The following ALCAM variants were observed in gnomAD, a reference collection of about 807,000 sequenced individuals.
ALCAM encodes the protein activated leukocyte cell adhesion molecule.
In ALCAM, 30 loss-of-function variants were observed where a neutral mutation model predicts 70.9. That is an observed-to-expected ratio of 0.42 (90% CI 0.32 to 0.57). ALCAM has a LOEUF of 0.57. ALCAM is among the 20% of genes least tolerant of loss of function. The pLI is 0.11. For missense variants in ALCAM, 591 were observed against 695.1 expected, an observed-to-expected ratio of 0.85 and a Z score of 1.68; for synonymous variants, 249 against 242.5, an observed-to-expected ratio of 1.03 and a Z score of -0.25.
At chr3:105,452,960 T>G (rs965749988) in intron 1 of ALCAM, among the ~76,000 whole-genome samples, 2 of 152,344 alleles carry the variant, frequency 1.3e-5, no homozygotes, top group South Asian at 4.1e-4. Flanking sequence ...TCCTTGCAGA[T>G]TCTGGATATT....
chr3:105,488,441 G>T (rs1325532577), intron 1 of ALCAM, among the ~76,000 whole-genome samples: 1 of 151,988 alleles, frequency 6.6e-6, no homozygotes, highest in East Asian at 1.9e-4. Flanking sequence ...TTAGATACAG[G>T]TACAGTAGCA....
intron 14 of ALCAM, among the ~76,000 whole-genome samples, chr3:105,563,723 C>T (rs1335817203): frequency 1.6e-5 from 2 of 122,912 alleles, no homozygotes; most frequent in Non-Finnish European, 3.2e-5. Flanking sequence ...CTCTGTCGCC[C>T]AGGCCGGACT....
At chr3:105,402,842 C>T (rs890019026) in intron 1 of ALCAM, among the ~76,000 whole-genome samples, 1 of 151,938 alleles carries the variant, frequency 6.6e-6, no homozygotes, top group African/African-American at 2.4e-5. Context: ...CTCCTGGGAG[C>T]CCTATAGCCC....
At chr3:105,517,523 A>G (rs1257952572) in intron 1 of ALCAM, among the ~76,000 whole-genome samples, 2 of 152,098 alleles carry the variant, frequency 1.3e-5, no homozygotes, top group Non-Finnish European at 2.9e-5. Context: ...AACAACTTTT[A>G]CTTTACGGTC....
chr3:105,549,146 C>A lies in ALCAM; in HGVS notation c.1375-981C>A, dbSNP rs141037115. ...GTGAGGATAAAAATAATAATGCCATCTTTCATTGTCAAGGAGAAAGATTGA... is the reference window on the plus strand; with the variant it reads ...GTGAGGATAAAAATAATAATGCCATATTTCATTGTCAAGGAGAAAGATTGA... On this transcript the variant is annotated intron_variant, in intron 11 of 15. Coordinates refer to ENST00000306107, the MANE Select transcript of ALCAM (RefSeq NM_001627.4). 5.1e-4 allele frequency among the ~76,000 whole-genome samples: 77 copies of A among 151,554 alleles called. No homozygotes were observed. The East Asian group carries it at 0.013, about 26-fold the overall frequency.
At chr3:105,424,575 A>C (rs1158212834) in intron 1 of ALCAM, among the ~76,000 whole-genome samples, 1 of 151,748 alleles carries the variant, frequency 6.6e-6, no homozygotes, top group South Asian at 2.1e-4. Context: ...GTTTAAAGAC[A>C]ATCTGAAAAG....
intron 6 of ALCAM, among the ~76,000 whole-genome samples, chr3:105,537,186 A>G (rs1308566608): frequency 6.6e-6 from 1 of 152,080 alleles, no homozygotes; most frequent in Non-Finnish European, 1.5e-5. Context: ...GGTTTTAGAG[A>G]ATCTAGCTCT....
At chr3:105,399,992 C>A (rs1400447020) in intron 1 of ALCAM, among the ~76,000 whole-genome samples, 1 of 152,180 alleles carries the variant, frequency 6.6e-6, no homozygotes, top group Non-Finnish European at 1.5e-5. Context: ...TCATCACCTA[C>A]TTTCTGTCAC....
At chr3:105,391,068 G>A (rs1325096638) in intron 1 of ALCAM, among the ~76,000 whole-genome samples, 1 of 152,008 alleles carries the variant, frequency 6.6e-6, no homozygotes, top group Admixed American at 6.6e-5. Context: ...GGATTATCTT[G>A]GCTATATGGG....
intron 1 of ALCAM, among the ~76,000 whole-genome samples, chr3:105,410,359 C>T (rs113018294): frequency 7.2e-5 from 11 of 151,930 alleles, no homozygotes; most frequent in South Asian, 2.1e-4. Flanking sequence ...AGACATCTAC[C>T]GTAAAATCTA....
Position 105,433,275 on chromosome 3 carries a change from C to T in ALCAM, c.73+65794C>T, listed in dbSNP as rs143572540. Among the ~76,000 whole-genome samples the T allele has an allele frequency of 2.4e-4, 37 of 152,184 alleles. No homozygotes were observed. The East Asian group carries it at 5.4e-3, about 22-fold the overall frequency. On this transcript the variant is annotated intron_variant, in intron 1 of 15. Coordinates refer to ENST00000306107, the MANE Select transcript of ALCAM (RefSeq NM_001627.4). ...AATTGATAAATGGATGTTCAGTATG[C>T]GTTTTCCAGTCAGAACTTGCCTTGG...
rs1939899295 is a variant in ALCAM, at chr3:105,533,645, A to G, written c.502A>G (p.Ile168Val). ...AGAAGACAGTTATCCAGATGGCAAT[A>G]TCACATGGTACAGGAATGGAAAAGT... is the stretch of plus-strand genomic sequence containing the variant. Reference protein sequence around the residue: ...ISEDSYPDGNITWYRNGKVLH... With the variant: ...ISEDSYPDGNVTWYRNGKVLH... The change falls in exon 5 of 16, where the codon ATC becomes GTC. Residue 168 changes from isoleucine (I) to valine (V), a missense_variant. Ile to Val is a conservative substitution (Grantham distance 29, BLOSUM62 3). This residue lies in a region of ALCAM where 427 missense variants were observed against 450.4 expected (regional missense o/e 0.95). Coordinates refer to ENST00000306107, the MANE Select transcript of ALCAM (RefSeq NM_001627.4). 6.2e-7 allele frequency: 1 copy of G among 1,612,238 alleles called. No homozygotes were observed. The highest frequency in any genetic ancestry group is 8.5e-7 in the Non-Finnish European group (1 of 1,178,684).
chr3:105,472,047 A>G (rs1576185738), intron 1 of ALCAM, among the ~76,000 whole-genome samples: 1 of 151,506 alleles, frequency 6.6e-6, no homozygotes, highest in South Asian at 2.1e-4. Flanking sequence ...ATTGTGCAGT[A>G]TTTGTTTTTC....
At chr3:105,530,851 G>A (rs865921740) in intron 3 of ALCAM, among the ~76,000 whole-genome samples, 2 of 152,064 alleles carry the variant, frequency 1.3e-5, no homozygotes, top group East Asian at 1.9e-4. Flanking sequence ...TTTTGCTACC[G>A]CAGAGACATT....
At chr3:105,556,794 A>C (rs1224199599) in intron 14 of ALCAM, among the ~76,000 whole-genome samples, 2 of 152,100 alleles carry the variant, frequency 1.3e-5, no homozygotes, top group Non-Finnish European at 2.9e-5. Context: ...TGTTCTCAGA[A>C]GAGGGACTCC....
intron 1 of ALCAM, among the ~76,000 whole-genome samples, chr3:105,402,713 C>A (rs1057016840): frequency 4.6e-5 from 7 of 151,964 alleles, no homozygotes; most frequent in Admixed American, 2.0e-4. Flanking sequence ...CACCCCCATC[C>A]CCCATGGCAG....
At chr3:105,405,010 G>A (rs1186347589) in intron 1 of ALCAM, among the ~76,000 whole-genome samples, 1 of 152,134 alleles carries the variant, frequency 6.6e-6, no homozygotes, top group African/African-American at 2.4e-5. Flanking sequence ...CAGTGGGGTG[G>A]CTCATACCTG....
At position 105,405,044 on chromosome 3, in the gene ALCAM, G is replaced by A. The variant is rs958219803; in HGVS notation, c.73+37563G>A. Among the ~76,000 whole-genome samples, 8 of 151,974 alleles carry A rather than the reference G, an allele frequency of 5.3e-5. No homozygotes were observed. The South Asian group carries it at 6.2e-4, about 12-fold the overall frequency. On this transcript the variant is annotated intron_variant, in intron 1 of 15. Transcript: ENST00000306107. ...TGTAATCCCAACACTTTGGGAGACCGAGGCAGGCAGACCACTTGAGGTCGG... is the reference window on the plus strand; with the variant it reads ...TGTAATCCCAACACTTTGGGAGACCAAGGCAGGCAGACCACTTGAGGTCGG...
At chr3:105,443,775 C>A (rs1053577023) in intron 1 of ALCAM, among the ~76,000 whole-genome samples, 10 of 152,136 alleles carry the variant, frequency 6.6e-5, no homozygotes, top group Admixed American at 6.5e-4. Context: ...CCAGTTATAG[C>A]TTTCATTCTT....
Sources: allele counts gnomAD v4.1 joint callset (sites outside exome capture counted in the v4.1 genomes callset), GRCh38; gene constraint gnomAD v4.1.1; regional missense constraint gnomAD v4.1.1; transcripts MANE v1.5; gene names NCBI Gene and HGNC (gene_info 2026-07-23, HGNC 2026-07-21).